Variants in CFAP299 observed in about 807,000 individuals in gnomAD.
CFAP299 encodes the protein cilia and flagella associated protein 299, also known as cilia- and flagella-associated protein 299.
Under a neutral mutation model 27.0 loss-of-function variants are expected in CFAP299, and 21 were observed. That is an observed-to-expected ratio of 0.78 (90% CI 0.55 to 1.12). CFAP299 has a LOEUF of 1.12. Ranked by LOEUF, CFAP299 falls within the 50% of genes most tolerant of loss-of-function variation. CFAP299 has a pLI of 0.00. For missense variants in CFAP299, 310 were observed against 276.6 expected, an observed-to-expected ratio of 1.12 and a Z score of -0.86; for synonymous variants, 104 against 98.1, an observed-to-expected ratio of 1.06 and a Z score of -0.36.
chr4:80,703,299 T>G (rs1721623485), intron 3 of CFAP299, among the ~76,000 whole-genome samples: 1 of 151,778 alleles, frequency 6.6e-6, no homozygotes, highest in Admixed American at 6.6e-5. Flanking sequence ...CTACCTTGCC[T>G]TATCTATCTT....
At chr4:80,832,104 A>G (rs1282690541) in intron 3 of CFAP299, among the ~76,000 whole-genome samples, 1 of 152,060 alleles carries the variant, frequency 6.6e-6, no homozygotes, top group Non-Finnish European at 1.5e-5. Context: ...TACTCCTTTG[A>G]TGCTCCAAAC....
intron 3 of CFAP299, among the ~76,000 whole-genome samples, chr4:80,734,426 CT>C (rs1403052490): frequency 2.0e-5 from 3 of 152,042 alleles, no homozygotes; most frequent in Non-Finnish European, 4.4e-5. Flanking sequence ...TGTCTCTTCA[CT>C]TTGTTGATTA....
At chr4:80,567,385 A>C in intron 2 of CFAP299, among the ~76,000 whole-genome samples, 1 of 152,090 alleles carries the variant, frequency 6.6e-6, no homozygotes, top group East Asian at 1.9e-4. Context: ...TTAAAATATA[A>C]ATTGATGACC....
chr4:80,943,892 C>G (rs1737331164), intron 4 of CFAP299, among the ~76,000 whole-genome samples: 1 of 151,840 alleles, frequency 6.6e-6, no homozygotes, highest in Non-Finnish European at 1.5e-5. Flanking sequence ...CATGGTGAAA[C>G]CCATCTCTGC....
chr4:80,525,253 A>G (rs1208358473), intron 2 of CFAP299, among the ~76,000 whole-genome samples: 1 of 152,202 alleles, frequency 6.6e-6, no homozygotes, highest in Non-Finnish European at 1.5e-5. Context: ...TCAAGGGAAG[A>G]GGATTATACA....
chr4:80,724,195 ATAATAAAT>A (rs1313634305), intron 3 of CFAP299, among the ~76,000 whole-genome samples: 3 of 152,118 alleles, frequency 2.0e-5, no homozygotes, highest in Non-Finnish European at 2.9e-5. Context: ...TCTGGATTTA[ATAATAAAT>A]TTGGGGTGGG....
rs555215113 is a variant in CFAP299, at chr4:80,435,023, G to A, written c.242+72139G>A. On this transcript the variant is annotated intron_variant, in intron 2 of 5. Transcript: ENST00000358105. ...AGTTAGCTAGTATGCAAGTGGAGGT[G>A]GAAAGGAATACAGTTCTGTTAAGAA... 7.2e-5 allele frequency among the ~76,000 whole-genome samples: 11 copies of A among 152,240 alleles called. No homozygotes were observed. The South Asian group carries it at 8.3e-4, about 11-fold the overall frequency.
At chr4:80,526,303 G>A (rs1015341866) in intron 2 of CFAP299, among the ~76,000 whole-genome samples, 1 of 152,136 alleles carries the variant, frequency 6.6e-6, no homozygotes, top group Non-Finnish European at 1.5e-5. Flanking sequence ...ATGGAAAGCA[G>A]AAAATTCATT....
intron 3 of CFAP299, among the ~76,000 whole-genome samples, chr4:80,772,499 A>T (rs1328439937): frequency 2.6e-5 from 4 of 152,106 alleles, no homozygotes; most frequent in Non-Finnish European, 5.9e-5. Flanking sequence ...ATGTAATTAG[A>T]TTATATATCT....
chr4:80,401,994 G>T (rs1393405645), intron 2 of CFAP299, among the ~76,000 whole-genome samples: 1 of 152,064 alleles, frequency 6.6e-6, no homozygotes, highest in East Asian at 1.9e-4. Context: ...CTGGATTTTG[G>T]ATTTGCACGG....
chr4:80,768,785 G>A (rs1726044423), intron 3 of CFAP299, among the ~76,000 whole-genome samples: 1 of 152,110 alleles, frequency 6.6e-6, no homozygotes, highest in East Asian at 1.9e-4. Flanking sequence ...TGAGTGTCAA[G>A]GGTCCAAGGC....
the CFAP299 span, among the ~76,000 whole-genome samples, chr4:80,322,572 T>A: frequency 6.6e-6 from 1 of 152,144 alleles, no homozygotes; most frequent in Non-Finnish European, 1.5e-5. Flanking sequence ...ATAAACAGAT[T>A]ACAAGAAACA....
intron 3 of CFAP299, among the ~76,000 whole-genome samples, chr4:80,747,934 T>A (rs571923295): frequency 1.3e-5 from 2 of 152,220 alleles, no homozygotes; most frequent in East Asian, 3.9e-4. Flanking sequence ...GTTTGTACTT[T>A]CCGATCAAAC....
At chr4:80,929,031 A>C (rs1736443410) in intron 4 of CFAP299, among the ~76,000 whole-genome samples, 1 of 152,160 alleles carries the variant, frequency 6.6e-6, no homozygotes, top group Non-Finnish European at 1.5e-5. Context: ...CCATCAAATC[A>C]GTAGAACAAA....
rs1306509362 is a variant in CFAP299 at position 80,447,132 on chromosome 4, T to TG, written c.242+84248_242+84249insG. Among the ~76,000 whole-genome samples the TG allele has an allele frequency of 1.4e-3, 131 of 91,470 alleles. 2 individuals carry two copies. The highest frequency in any genetic ancestry group is 5.4e-3 in the African/African-American group (109 of 20,070). 60.0% of individuals were successfully genotyped at this position (91,470 alleles called of 152,430 possible). A position where few individuals can be genotyped will look rare whatever the true frequency, so the allele number is the denominator to read the frequency against. ...TGCTTTTTATTTGTTTTTTTTTTGTTTTTTTTTTTTTTTTTTTTTTTGAGA... is the reference window on the plus strand; with the variant it reads ...TGCTTTTTATTTGTTTTTTTTTTGTTGTTTTTTTTTTTTTTTTTTTTTGAGA... On this transcript the variant is annotated intron_variant, in intron 2 of 5. Coordinates refer to ENST00000358105, the MANE Select transcript of CFAP299 (RefSeq NM_152770.3).
At chr4:80,472,883 G>C (rs1329374361) in intron 2 of CFAP299, among the ~76,000 whole-genome samples, 1 of 152,108 alleles carries the variant, frequency 6.6e-6, no homozygotes, top group Non-Finnish European at 1.5e-5. Context: ...CCTTAGCGCA[G>C]AACTCTGAAC....
In CFAP299 at chr4:80,390,648, T is replaced by TATATGTATACACATATATGTAG. The variant is rs1560543323; in HGVS notation, c.242+27764_242+27765insATATGTATACACATATATGTAG. ...GTATATATGTATACACATATATGTA[T>TATATGTATACACATATATGTAG]GTACACACATATGTATATATGTATA... On this transcript the variant is annotated intron_variant, in intron 2 of 5. Coordinates refer to ENST00000358105, the MANE Select transcript of CFAP299 (RefSeq NM_152770.3). Among the ~76,000 whole-genome samples the TATATGTATACACATATATGTAG allele has an allele frequency of 3.5e-4, 41 of 116,906 alleles. 1 individual carries two copies. The highest frequency in any genetic ancestry group is 1.3e-3 in the African/African-American group (40 of 29,664). The allele number at this position is 116,906 out of a possible 152,430, so 76.7% of individuals were successfully genotyped here. A position where few individuals can be genotyped will look rare whatever the true frequency, so the allele number is the denominator to read the frequency against.
At chr4:80,744,914 C>T (rs555163810) in intron 3 of CFAP299, among the ~76,000 whole-genome samples, 1 of 152,266 alleles carries the variant, frequency 6.6e-6, no homozygotes, top group South Asian at 2.1e-4. Flanking sequence ...GGCTGCACAT[C>T]ACTTTGTTGT....
chr4:80,333,904 C>A (rs1319768557), upstream of CFAP299, among the ~76,000 whole-genome samples: 7 of 152,108 alleles, frequency 4.6e-5, no homozygotes. Flanking sequence ...TTGTTGCCAC[C>A]CTTTCATTTC....
Sources: gnomAD v4.1 joint callset for allele counts (sites outside exome capture counted in the v4.1 genomes callset) on GRCh38, gnomAD v4.1.1 for gene constraint, MANE v1.5 for transcripts, NCBI Gene and HGNC (gene_info 2026-07-23, HGNC 2026-07-21) for gene names.